PAX3: variants seen among roughly 807,000 people sequenced by gnomAD.
The protein encoded by PAX3 is paired box protein Pax-3.
PAX3 carries 14 observed loss-of-function variants against 51.6 expected under a neutral mutation model. That is an observed-to-expected ratio of 0.27 (90% CI 0.18 to 0.42). PAX3 has a LOEUF of 0.42. Ranked by LOEUF, PAX3 falls within the 10% of genes least tolerant of loss-of-function variation. PAX3 has a pLI of 1.00. For missense variants in PAX3, 540 were observed against 642.8 expected (o/e 0.84, Z 1.73); for synonymous variants, 280 against 253.4 (o/e 1.11, Z -1.00).
At chr2:222,286,968 T>C (rs1015422841) in intron 4 of PAX3, among the ~76,000 whole-genome samples, 2 of 152,266 alleles carry the variant, frequency 1.3e-5, no homozygotes, top group African/African-American at 2.4e-5. Flanking sequence ...TTTTGATAAC[T>C]GTGCATATTC....
At chr2:222,204,541 A>T (rs1447342845) in intron 7 of PAX3, among the ~76,000 whole-genome samples, 1 of 152,112 alleles carries the variant, frequency 6.6e-6, no homozygotes, top group African/African-American at 2.4e-5. Context: ...TGCCAAACAC[A>T]CTCCTTTCAA....
At chr2:222,227,254 C>T (rs1319040242) in intron 5 of PAX3, among the ~76,000 whole-genome samples, 4 of 152,144 alleles carry the variant, frequency 2.6e-5, no homozygotes, top group Non-Finnish European at 5.9e-5. Flanking sequence ...TACTTGCCTA[C>T]TTCATGGGAT....
intron 7 of PAX3, among the ~76,000 whole-genome samples, chr2:222,218,083 G>A (rs1007337961): frequency 6.6e-6 from 1 of 152,254 alleles, no homozygotes; most frequent in African/African-American, 2.4e-5. Context: ...GTTTGAGGTG[G>A]AAATGTATGG....
intron 4 of PAX3, among the ~76,000 whole-genome samples, chr2:222,233,937 A>C (rs2106098378): frequency 6.6e-6 from 1 of 152,340 alleles, no homozygotes; most frequent in African/African-American, 2.4e-5. Context: ...TGCTAGAAGC[A>C]ATGTGAATAT....
intron 5 of PAX3, among the ~76,000 whole-genome samples, chr2:222,223,769 C>G (rs34125637): frequency 0.072 from 10,895 of 152,254 alleles, 628 homozygotes; most frequent in Admixed American, 0.18. Flanking sequence ...TAACTTCACT[C>G]ATGAAGATTT....
intron 4 of PAX3, among the ~76,000 whole-genome samples, chr2:222,243,414 C>A (rs1693093293): frequency 6.6e-6 from 1 of 152,214 alleles, no homozygotes; most frequent in Non-Finnish European, 1.5e-5. Context: ...GTGGCTGATA[C>A]TGTCCTTTGC....
chr2:222,298,416 G>T, intron 1 of PAX3, 115 bp downstream of exon 1: 1 of 809,484 alleles, frequency 1.2e-6, no homozygotes, highest in Non-Finnish European at 2.1e-6. Context: ...GGTGTGGGGT[G>T]CCCAGGGAAT....
chr2:222,235,365 AGATTTGCTCCAACACT>A (rs1361650899), intron 4 of PAX3, among the ~76,000 whole-genome samples: 1 of 152,144 alleles, frequency 6.6e-6, no homozygotes, highest in East Asian at 1.9e-4. Flanking sequence ...GGCAAATTTC[AGATTTGCTCCAACACT>A]GATTTATTTG....
rs1371874218 is a variant in PAX3 at position 222,298,716 on chromosome 2, GC to G, written c.-102del. 1 of 1,183,822 alleles carries G rather than the reference GC, an allele frequency of 8.4e-7. No individual in the cohort carries two copies. The highest frequency in any genetic ancestry group is 2.0e-5 in the Admixed American group (1 of 50,536). 73.3% of individuals were successfully genotyped at this position (1,183,822 alleles called of 1,614,324 possible). A position where few individuals can be genotyped will look rare whatever the true frequency, so the allele number is the denominator to read the frequency against. On this transcript the variant is annotated 5_prime_UTR_variant, in exon 1 of 9. Coordinates refer to ENST00000392070, the MANE Select transcript of PAX3 (RefSeq NM_181458.4). ...TCGGGAACTATCCGGAGCGTGGAGA[GC>G]CCCTCCCCAAAACGGCTGGAGAGAG...
intron 8 of PAX3, 71 bp downstream of exon 8, chr2:222,201,873 C>G: frequency 6.2e-7 from 1 of 1,613,490 alleles, no homozygotes; most frequent in Non-Finnish European, 8.5e-7. Flanking sequence ...CTCTAATTCA[C>G]CTTTCTTAAG....
intron 5 of PAX3, among the ~76,000 whole-genome samples, chr2:222,226,028 A>T (rs934239974): frequency 1.3e-5 from 2 of 152,186 alleles, no homozygotes; most frequent in Non-Finnish European, 2.9e-5. Flanking sequence ...GTGTCAGCCT[A>T]ATTTTGCCCA....
chr2:222,291,293 G>A (rs571826618), intron 4 of PAX3, among the ~76,000 whole-genome samples: 245 of 152,292 alleles, frequency 1.6e-3, no homozygotes, highest in Non-Finnish European at 2.9e-4. Flanking sequence ...GGGGATAGCG[G>A]GCGGGGTTCG....
At chr2:222,293,990 T>A (rs538757646) in intron 4 of PAX3, 177 bp downstream of exon 4, 3 of 1,529,268 alleles carry the variant, frequency 2.0e-6, no homozygotes, top group African/African-American at 2.8e-5. Flanking sequence ...ATGTTTGTTT[T>A]GATTCCTAGT....
At position 222,213,605 on chromosome 2, in the gene PAX3, A is replaced by G. The variant is rs372723186; in HGVS notation, c.1173+6535T>C. Among the ~76,000 whole-genome samples the G allele has an allele frequency of 6.6e-5, 10 of 152,256 alleles. No homozygotes were observed. The South Asian group carries it at 1.2e-3, about 19-fold the overall frequency. On this transcript the variant is annotated intron_variant, in intron 7 of 8. Coordinates refer to ENST00000392070, the MANE Select transcript of PAX3 (RefSeq NM_181458.4). ...TGAGAGGCTGCCACTTTTGTAAAAAATCTCTCTCTGCCCCCAGCTTTGTTT... is the reference window on the plus strand; with the variant it reads ...TGAGAGGCTGCCACTTTTGTAAAAAGTCTCTCTCTGCCCCCAGCTTTGTTT...
At chr2:222,207,981 A>C (rs1691577774) in intron 7 of PAX3, among the ~76,000 whole-genome samples, 1 of 141,868 alleles carries the variant, frequency 7.0e-6, no homozygotes, top group Non-Finnish European at 1.6e-5. Flanking sequence ...ATGTATATGT[A>C]TATATATACA....
At chr2:222,274,450 C>T (rs1174891434) in intron 4 of PAX3, among the ~76,000 whole-genome samples, 2 of 149,568 alleles carry the variant, frequency 1.3e-5, no homozygotes, top group South Asian at 2.2e-4. Context: ...AATGTCTCAA[C>T]GCTGTAGAGT....
chr2:222,221,362 C>T lies in PAX3; in HGVS notation c.818G>A (p.Arg273Lys), dbSNP rs1020175890. 3 of 1,613,910 alleles carry T rather than the reference C, an allele frequency of 1.9e-6. No homozygotes were observed. Among genetic ancestry groups the T allele is most frequent in the Non-Finnish European group, 2.5e-6 (3 of 1,179,920 alleles). ...VQVWFSNRRA[R>K]WRKQAGANQL... Reference sequence around the variant, plus strand: ...ATTGGCCCCAGCTTGCTTCCTCCATCTTGCACGGCGGTTGCTAAACCAGAC... The same window carrying T: ...ATTGGCCCCAGCTTGCTTCCTCCATTTTGCACGGCGGTTGCTAAACCAGAC... Residue 273 changes from arginine (R) to lysine (K), a missense_variant, in exon 6 of 9, where the codon AGA becomes AAA. By Grantham distance (26) the Arg-to-Lys change is conservative. Around this residue, in one of 3 missense-constraint regions of PAX3, gnomAD observed 427 missense variants for 483.6 expected, o/e 0.88. Transcript: ENST00000392070.
At chr2:222,288,171 G>C (rs548329440) in intron 4 of PAX3, among the ~76,000 whole-genome samples, 1 of 152,198 alleles carries the variant, frequency 6.6e-6, no homozygotes, top group Non-Finnish European at 1.5e-5. Flanking sequence ...AAAATCAACA[G>C]TTTAAAAGAG....
At chr2:222,249,107 T>C (rs1693330478) in intron 4 of PAX3, among the ~76,000 whole-genome samples, 1 of 152,162 alleles carries the variant, frequency 6.6e-6, no homozygotes, top group African/African-American at 2.4e-5. Context: ...TTACATGTTT[T>C]CAGCAGCAGC....
Sources: allele counts gnomAD v4.1 joint callset (sites outside exome capture counted in the v4.1 genomes callset), GRCh38; gene constraint gnomAD v4.1.1; regional missense constraint gnomAD v4.1.1; transcripts MANE v1.5; gene names NCBI Gene and HGNC (gene_info 2026-07-23, HGNC 2026-07-21).